The following UBXN7 variants were observed in gnomAD, a reference collection of about 807,000 sequenced individuals.
UBXN7 encodes the protein UBX domain-containing protein 7.
Under a neutral mutation model 58.0 loss-of-function variants are expected in UBXN7, and 9 were observed. The observed-to-expected ratio is 0.16, with a 90% CI of 0.09 to 0.27. UBXN7 has a LOEUF of 0.27. Ranked by LOEUF, UBXN7 falls within the 10% of genes least tolerant of loss-of-function variation. The pLI is 1.00. For synonymous variants in UBXN7, 208 were observed against 205.0 expected (o/e 1.01, Z -0.12); for missense variants, 328 against 599.6 (o/e 0.55, Z 4.73).
chr3:196,366,344 C>T (rs1728664539), intron 8 of UBXN7, among the ~76,000 whole-genome samples: 1 of 151,968 alleles, frequency 6.6e-6, no homozygotes, highest in Admixed American at 6.6e-5. Context: ...TATTGAGACC[C>T]TGCCTCCACA....
At chr3:196,420,296 G>A (rs1730639363) in intron 1 of UBXN7, among the ~76,000 whole-genome samples, 1 of 152,144 alleles carries the variant, frequency 6.6e-6, no homozygotes, top group African/African-American at 2.4e-5. Context: ...ACTTTGGGAG[G>A]CCAAGGTGGG....
intron 10 of UBXN7, among the ~76,000 whole-genome samples, chr3:196,360,635 C>T (rs909346849): frequency 2.0e-5 from 3 of 152,282 alleles, no homozygotes; most frequent in Middle Eastern, 3.4e-3. Context: ...AGAGCTCTGA[C>T]GAAAATGCAA....
rs1400668117 is a variant in UBXN7, at chr3:196,385,484, C to T, written c.468+6329G>A. ...GTCATCCCATCTAGGAAGTGAGGAG[C>T]GTCTCTGCCCAGCCACCCATCGTCT... On this transcript the variant is annotated intron_variant, in intron 5 of 10. Coordinates refer to ENST00000296328, the MANE Select transcript of UBXN7 (RefSeq NM_015562.2). Among the ~76,000 whole-genome samples, 11 of 151,616 alleles carry T rather than the reference C, an allele frequency of 7.3e-5. 1 individual carries two copies. In the South Asian group the frequency reaches 2.3e-3, roughly 32 times the overall value.
chr3:196,363,154 C>T (rs928798707), intron 8 of UBXN7, among the ~76,000 whole-genome samples: 20 of 151,838 alleles, frequency 1.3e-4, no homozygotes, highest in Middle Eastern at 3.4e-3. Flanking sequence ...CTCCTGACCT[C>T]GGCCTCCCAA....
chr3:196,398,396 G>A lies in UBXN7; in HGVS notation c.289+4556C>T, dbSNP rs553114679. On this transcript the variant is annotated intron_variant, in intron 3 of 10. Transcript: ENST00000296328. ...TACAATTCATCTCGCAGTCTGAATGGATCTTTTACCTATGCACAATTTTGT... is the reference window on the plus strand; with the variant it reads ...TACAATTCATCTCGCAGTCTGAATGAATCTTTTACCTATGCACAATTTTGT... Among the ~76,000 whole-genome samples the A allele has an allele frequency of 6.6e-5, 10 of 152,248 alleles. No homozygotes were observed. In the East Asian group the frequency reaches 1.9e-3, roughly 29 times the overall value.
Position 196,350,819 on chromosome 3 carries a change from C to T in UBXN7, c.*5866G>A, listed in dbSNP as rs982125730. On this transcript the variant is annotated 3_prime_UTR_variant, in exon 11 of 11. Transcript: ENST00000296328. ...GCAGTTCTAAAGAACATTCTTGCCA[C>T]TATTCTAAAATGTGTACAGTGCAAC... 2 of 152,172 alleles carry T rather than the reference C, an allele frequency of 1.3e-5. No individual in the cohort carries two copies. The highest frequency in any genetic ancestry group is 4.1e-4 in the South Asian group (2 of 4,826). 9.4% of individuals were successfully genotyped at this position (152,172 alleles called of 1,614,324 possible).
intron 2 of UBXN7, among the ~76,000 whole-genome samples, chr3:196,405,103 T>C (rs528658283): frequency 1.1e-3 from 173 of 152,156 alleles, no homozygotes; most frequent in South Asian, 6.2e-4. Flanking sequence ...TTGAGAGCAG[T>C]AAGCAGAGAT....
chr3:196,403,810 A>G (rs1730065898), intron 2 of UBXN7, among the ~76,000 whole-genome samples: 1 of 152,208 alleles, frequency 6.6e-6, no homozygotes, highest in Non-Finnish European at 1.5e-5. Context: ...ATCCTAATAT[A>G]CAGAACAAAA....
chr3:196,416,614 C>T (rs923918014), intron 1 of UBXN7, among the ~76,000 whole-genome samples: 1 of 152,106 alleles, frequency 6.6e-6, no homozygotes, highest in African/African-American at 2.4e-5. Context: ...CTCAAGCAAG[C>T]AGGCCTGTCA....
chr3:196,412,653 G>A (rs1464690930), intron 1 of UBXN7, among the ~76,000 whole-genome samples: 1 of 151,960 alleles, frequency 6.6e-6, no homozygotes, highest in East Asian at 1.9e-4. Flanking sequence ...ATTCACAGTA[G>A]GTAAAACATG....
intron 3 of UBXN7, chr3:196,400,706 C>A: frequency 2.7e-6 from 1 of 366,912 alleles, no homozygotes; most frequent in Non-Finnish European, 5.3e-6. Context: ...TATCACTGCA[C>A]TCCAGCCTGG....
intron 1 of UBXN7, among the ~76,000 whole-genome samples, chr3:196,412,952 G>A (rs1730377699): frequency 6.6e-6 from 1 of 152,134 alleles, no homozygotes; most frequent in South Asian, 2.1e-4. Context: ...TGGGTATAGA[G>A]TTTCAGTTTT....
At chr3:196,408,121 A>AG (rs1188008987) in intron 1 of UBXN7, among the ~76,000 whole-genome samples, 10 of 149,362 alleles carry the variant, frequency 6.7e-5, no homozygotes, top group African/African-American at 2.4e-4. Flanking sequence ...AAAAAAAAAA[A>AG]GCATCTTTAA....
intron 6 of UBXN7, among the ~76,000 whole-genome samples, chr3:196,370,857 C>CA (rs11347018): frequency 0.011 from 965 of 86,222 alleles, 13 homozygotes; most frequent in African/African-American, 0.019. Flanking sequence ...CCCATCTCTA[C>CA]AAAAAAAAAA....
At chr3:196,364,723 G>A (rs561170013) in intron 8 of UBXN7, among the ~76,000 whole-genome samples, 1 of 150,840 alleles carries the variant, frequency 6.6e-6, no homozygotes, top group African/African-American at 2.4e-5. Flanking sequence ...TTTGAGAGAG[G>A]TTCTACTCTG....
intron 5 of UBXN7, among the ~76,000 whole-genome samples, chr3:196,386,831 C>T (rs78691857): frequency 1.2e-4 from 18 of 152,104 alleles, no homozygotes; most frequent in Admixed American, 7.9e-4. Context: ...AAGTTACCAA[C>T]GACTTTCTTC....
intron 5 of UBXN7, among the ~76,000 whole-genome samples, chr3:196,376,537 C>G (rs1729027349): frequency 9.6e-6 from 1 of 103,954 alleles, no homozygotes; most frequent in South Asian, 3.6e-4. Flanking sequence ...CAGAGCGAGA[C>G]TCTGTCTCAA....
intron 8 of UBXN7, among the ~76,000 whole-genome samples, chr3:196,365,836 A>T (rs1728649169): frequency 6.6e-6 from 1 of 152,116 alleles, no homozygotes; most frequent in Non-Finnish European, 1.5e-5. Context: ...GTAGTTTAAA[A>T]TTTTCCACCA....
chr3:196,383,213 A>C (rs983740027), intron 5 of UBXN7, among the ~76,000 whole-genome samples: 11 of 152,210 alleles, frequency 7.2e-5, no homozygotes, highest in Non-Finnish European at 1.3e-4. Flanking sequence ...GAGACAAAGA[A>C]GGCCATTACA....
Sources: allele counts gnomAD v4.1 joint callset (sites outside exome capture counted in the v4.1 genomes callset), GRCh38; gene constraint gnomAD v4.1.1; transcripts MANE v1.5; gene names NCBI Gene and HGNC (gene_info 2026-07-23, HGNC 2026-07-21).